NRDC: variants seen among roughly 807,000 people sequenced by gnomAD.
NRDC encodes nardilysin convertase.
Under a neutral mutation model 147.1 loss-of-function variants are expected in NRDC, and 54 were observed. The ratio of observed to expected loss-of-function variants is 0.37; its 90% CI spans 0.29 to 0.46. NRDC has a LOEUF of 0.46. Among genes scored for constraint, NRDC ranks in the 20% least tolerant of loss-of-function variants. The probability of loss-of-function intolerance (pLI) is 1.00; values close to 1 mark genes in which losing one functional copy is unlikely to be tolerated. For missense variants in NRDC, 1,082 were observed against 1,370.6 expected (o/e 0.79, Z 3.33); for synonymous variants, 440 against 482.1 (o/e 0.91, Z 1.14).
At chr1:51,809,215 C>T in intron 17 of NRDC, 100 bp downstream of exon 17, 3 of 819,206 alleles carry the variant, frequency 3.7e-6, no homozygotes, top group Non-Finnish European at 6.1e-6. Flanking sequence ...CTGGGAATCT[C>T]AAATATAAAT....
intron 8 of NRDC, 116 bp downstream of exon 8, chr1:51,821,382 G>C: frequency 1.7e-6 from 1 of 592,976 alleles, no homozygotes; most frequent in Non-Finnish European, 3.0e-6. Flanking sequence ...AGTTTGTTTA[G>C]GTCTTAATTC....
chr1:51,864,098 A>G (rs1017524533), intron 1 of NRDC, among the ~76,000 whole-genome samples: 5 of 152,220 alleles, frequency 3.3e-5, no homozygotes, highest in African/African-American at 1.2e-4. Flanking sequence ...GAAAGATCAT[A>G]TGGGTACTCA....
intron 4 of NRDC, among the ~76,000 whole-genome samples, chr1:51,832,139 T>C (rs1411387692): frequency 6.6e-6 from 1 of 151,798 alleles, no homozygotes. Flanking sequence ...CTCCGCCTCC[T>C]AGGTTCAAGC....
At chr1:51,794,917 C>T in intron 22 of NRDC, 63 bp from the exon 23 acceptor site, 1 of 1,605,486 alleles carries the variant, frequency 6.2e-7, no homozygotes, top group South Asian at 1.1e-5. Flanking sequence ...CCAGAATCAG[C>T]TAATATCAAT....
intron 28 of NRDC, 66 bp from the exon 29 acceptor site, chr1:51,790,715 G>T (rs962926761): frequency 2.0e-5 from 23 of 1,154,192 alleles, no homozygotes; most frequent in Non-Finnish European, 2.9e-5. Flanking sequence ...AACACACTGG[G>T]CCCTGTCCAG....
intron 1 of NRDC, among the ~76,000 whole-genome samples, chr1:51,872,529 C>T (rs560407497): frequency 6.6e-6 from 1 of 152,178 alleles, no homozygotes; most frequent in South Asian, 2.1e-4. Flanking sequence ...AGAGCGAAAC[C>T]CAACTCTACA....
intron 29 of NRDC, among the ~76,000 whole-genome samples, chr1:51,790,271 T>A (rs78198038): frequency 6.6e-6 from 1 of 152,226 alleles, no homozygotes; most frequent in Non-Finnish European, 1.5e-5. Context: ...CAAAATCTTG[T>A]AGACCTCAAT....
chr1:51,842,137 T>G (rs1681296728), intron 1 of NRDC, among the ~76,000 whole-genome samples: 1 of 151,970 alleles, frequency 6.6e-6, no homozygotes, highest in Non-Finnish European at 1.5e-5. Context: ...CGGGCCACTT[T>G]ACTCCAGTCT....
intron 2 of NRDC, chr1:51,837,684 C>T (rs569858687): frequency 2.1e-4 from 273 of 1,303,634 alleles, no homozygotes; most frequent in Non-Finnish European, 2.6e-4. Flanking sequence ...GAAATTCATA[C>T]TTGAGAACTG....
intron 1 of NRDC, among the ~76,000 whole-genome samples, chr1:51,853,473 T>A (rs1302812288): frequency 6.6e-6 from 1 of 152,172 alleles, no homozygotes; most frequent in Non-Finnish European, 1.5e-5. Flanking sequence ...ACATACTCAC[T>A]TTGGGATCCA....
At chr1:51,866,003 G>A (rs1682786698) in intron 1 of NRDC, among the ~76,000 whole-genome samples, 2 of 151,756 alleles carry the variant, frequency 1.3e-5, no homozygotes, top group South Asian at 4.2e-4. Flanking sequence ...AGGTTGCAGT[G>A]AGCCAAGATT....
At chr1:51,844,163 C>T (rs1453838602) in intron 1 of NRDC, among the ~76,000 whole-genome samples, 1 of 152,012 alleles carries the variant, frequency 6.6e-6, no homozygotes, top group East Asian at 1.9e-4. Context: ...CCCCGACGCC[C>T]CAACACACCT....
rs748602819 is a variant in NRDC, at chr1:51,840,471, C to A, written c.385G>T (p.Asp129Tyr). ...QNGLQALLIS[D>Y]LSNMEGKTGN... ...GTTTTACCTTCCATATTACTTAGGT[C>A]TGAAATCAGAAGTGCCTGCAAGCCA... Residue 129 changes from aspartate to tyrosine, a missense_variant, in exon 2 of 31, where the codon GAC (aspartate) becomes TAC (tyrosine). By Grantham distance (160) the Asp-to-Tyr change is radical. Coordinates refer to ENST00000352171, the MANE Select transcript of NRDC (RefSeq NM_001101662.2). 6.2e-7 allele frequency: 1 copy of A among 1,611,682 alleles called. No individual in the cohort carries two copies. Among genetic ancestry groups the A allele is most frequent in the Admixed American group, 1.7e-5 (1 of 59,700 alleles).
rs748414274 is a variant in NRDC, at chr1:51,794,521, T to C, written c.2726A>G (p.Lys909Arg). Residue 909 changes from lysine to arginine, a missense_variant, in exon 24 of 31, where the codon AAA (lysine) becomes AGA (arginine). Coordinates refer to ENST00000352171, the MANE Select transcript of NRDC (RefSeq NM_001101662.2). ...GTTGGCATCACCCTTGTTCAGAGCTTTCACTTTGCATAGATGGTGGCCACT... is the reference window on the plus strand; with the variant it reads ...GTTGGCATCACCCTTGTTCAGAGCTCTCACTTTGCATAGATGGTGGCCACT... ...LPSGHHLCKV[K>R]ALNKGDANSE... The C allele has an allele frequency of 6.2e-7, 1 of 1,614,162 alleles. No homozygotes were observed. Among genetic ancestry groups the C allele is most frequent in the Non-Finnish European group, 8.5e-7 (1 of 1,180,026 alleles).
intron 28 of NRDC, 28 bp from the exon 29 acceptor site, chr1:51,790,677 A>C (rs1025958079): frequency 1.3e-6 from 2 of 1,497,396 alleles, no homozygotes; most frequent in Non-Finnish European, 1.9e-6. Context: ...AAAGATGCTC[A>C]GGTGAGGCAA....
At chr1:51,863,036 A>AC (rs1306472821) in intron 1 of NRDC, among the ~76,000 whole-genome samples, 1 of 150,694 alleles carries the variant, frequency 6.6e-6, no homozygotes, top group African/African-American at 2.4e-5. Flanking sequence ...AAAAAAAAAA[A>AC]AACAAGCAAT....
At position 51,837,692 on chromosome 1, in the gene NRDC, C is replaced by G. The variant is rs959236811; in HGVS notation, c.631-1480G>C. ...GACCTGAGAAATTCATACTTGAGAA[C>G]TGAATTAAGAAAGCCCTGAACAAAT... On this transcript the variant is annotated intron_variant, in intron 2 of 30. Transcript: ENST00000352171. 12 of 1,247,006 alleles carry G rather than the reference C, an allele frequency of 9.6e-6. No individual in the cohort carries two copies. The African/African-American group carries it at 1.6e-4, about 17-fold the overall frequency. The allele number at this position is 1,247,006 out of a possible 1,614,324, so 77.2% of individuals were successfully genotyped here.
intron 7 of NRDC, among the ~76,000 whole-genome samples, chr1:51,822,832 A>G (rs1680267767): frequency 6.6e-6 from 1 of 152,216 alleles, no homozygotes; most frequent in South Asian, 2.1e-4. Flanking sequence ...TAGTGAACTC[A>G]TTTTGATCAT....
At position 51,790,915 on chromosome 1, in the gene NRDC, C is replaced by G. The variant is rs187758755; in HGVS notation, c.3036G>C (p.Glu1012Asp). The G allele has an allele frequency of 8.7e-6, 14 of 1,613,640 alleles. 1 individual carries two copies. Among genetic ancestry groups the G allele is most frequent in the Middle Eastern group, 3.3e-4 (2 of 6,062 alleles). Residue 1012 changes from glutamate (E) to aspartate (D), a missense_variant, in exon 28 of 31, where the codon GAG becomes GAC. Coordinates refer to ENST00000352171, the MANE Select transcript of NRDC (RefSeq NM_001101662.2). ...FEEKIENLTE[E>D]AFNTQVTALI... is the part of the protein sequence containing the mutation. Reference sequence around the variant, plus strand: ...GCACAGTCACCTGGGTGTTGAATGCCTCTTCAGTGAGGTTCTCAATCTTCT... The same window carrying G: ...GCACAGTCACCTGGGTGTTGAATGCGTCTTCAGTGAGGTTCTCAATCTTCT...
Sources: allele counts gnomAD v4.1 joint callset (sites outside exome capture counted in the v4.1 genomes callset), GRCh38; gene constraint gnomAD v4.1.1; transcripts MANE v1.5; gene names NCBI Gene and HGNC (gene_info 2026-07-23, HGNC 2026-07-21).